Variants in SCNN1G observed in about 807,000 individuals in gnomAD.
SCNN1G encodes the protein sodium channel epithelial 1 subunit gamma, also known as epithelial sodium channel subunit gamma.
SCNN1G carries 27 observed loss-of-function variants against 64.6 expected under a neutral mutation model. The observed-to-expected ratio is 0.42, with a 90% CI of 0.31 to 0.58. SCNN1G has a LOEUF of 0.58. Among genes scored for constraint, SCNN1G ranks in the 20% least tolerant of loss-of-function variants. SCNN1G has a pLI of 0.18. For missense variants in SCNN1G, 743 were observed against 823.4 expected (o/e 0.90, Z 1.19); for synonymous variants, 330 against 314.2 (o/e 1.05, Z -0.53).
At chr16:23,197,497 G>T in intron 6 of SCNN1G, 70 bp downstream of exon 6, 1 of 1,390,048 alleles carries the variant, frequency 7.2e-7, no homozygotes. Flanking sequence ...ATAACCAATG[G>T]GGTGCAGCTT....
At position 23,189,283 on chromosome 16, in the gene SCNN1G, C is replaced by T. The variant is rs895494896; in HGVS notation, c.318-88C>T. ...GGGAAAGGTGGGCATGAGGCTGACA[C>T]GTGTTGATGGAAAACAGCCTGGAGG... On this transcript the variant is annotated intron_variant, in intron 2 of 12. Transcript: ENST00000300061. The T allele has an allele frequency of 2.6e-5, 35 of 1,338,418 alleles. No homozygotes were observed. In the African/African-American group the frequency reaches 3.6e-4, roughly 14 times the overall value. 82.9% of individuals were successfully genotyped at this position (1,338,418 alleles called of 1,614,324 possible).
In SCNN1G at chr16:23,197,434, G is replaced by T. The variant is rs1403656866; in HGVS notation, c.1077+7G>T. 5.0e-6 allele frequency: 8 copies of T among 1,612,286 alleles called. No homozygotes were observed. The highest frequency in any genetic ancestry group is 5.9e-6 in the Non-Finnish European group (7 of 1,178,450). Reference sequence around the variant, plus strand: ...CTCTATAGGAATGCACCTGGTAAGAGAATATTCTCATTTCCATAGGCTTGG... The same window carrying T: ...CTCTATAGGAATGCACCTGGTAAGATAATATTCTCATTTCCATAGGCTTGG... On this transcript the variant is annotated splice_region_variant and intron_variant, in intron 6 of 12. Transcript: ENST00000300061.
rs1410282676 is a variant in SCNN1G at position 23,209,840 on chromosome 16, T to G, written c.1168T>G (p.Ser390Ala). ...PIRNIYNAAY[S>A]LQICLHSCFQ... ...CAGGAACATCTACAACGCTGCCTAC[T>G]CGCTCCAGGTAACAGATTGGCAGGG... The change falls in exon 7 of 13, where the codon TCG becomes GCG. Residue 390 changes from serine to alanine, a missense_variant. Physicochemically the swap from Ser to Ala is moderately conservative, Grantham distance 99. Transcript: ENST00000300061. 1 of 1,612,722 alleles carries G rather than the reference T, an allele frequency of 6.2e-7. No individual in the cohort carries two copies. The highest frequency in any genetic ancestry group is 1.3e-5 in the African/African-American group (1 of 74,878).
chr16:23,195,769 ATT>A (rs747061787), intron 5 of SCNN1G, among the ~76,000 whole-genome samples: 27 of 104,478 alleles, frequency 2.6e-4, no homozygotes, highest in Admixed American at 1.5e-3. Flanking sequence ...TTGTTTACAC[ATT>A]GTTTGCAATT....
chr16:23,204,288 C>CATATATATAT (rs59288460), intron 6 of SCNN1G, among the ~76,000 whole-genome samples: 4 of 14,172 alleles, frequency 2.8e-4, no homozygotes, highest in African/African-American at 3.1e-4. Context: ...CAAATATATA[C>CATATATATAT]ATATATATAT....
At chr16:23,204,318 TATATATATATATATATAGAGAG>T (rs1308580089) in intron 6 of SCNN1G, among the ~76,000 whole-genome samples, 4 of 82,684 alleles carry the variant, frequency 4.8e-5, no homozygotes, top group African/African-American at 1.4e-4. Context: ...TATATATATA[TATATATATATATATATAGAGAG>T]AGAGAGAGAG....
intron 6 of SCNN1G, among the ~76,000 whole-genome samples, chr16:23,200,380 G>A (rs1959869854): frequency 6.6e-6 from 1 of 152,200 alleles, no homozygotes; most frequent in South Asian, 2.1e-4. Flanking sequence ...ACTCCTGAGA[G>A]CCTTGGCTTT....
chr16:23,188,333 G>T (rs564311596), intron 2 of SCNN1G, among the ~76,000 whole-genome samples: 1 of 151,776 alleles, frequency 6.6e-6, no homozygotes, highest in East Asian at 1.9e-4. Context: ...ACAGAGCAAG[G>T]CCCCCTCTCT....
intron 3 of SCNN1G, among the ~76,000 whole-genome samples, chr16:23,190,837 T>C (rs1398731881): frequency 7.2e-5 from 9 of 125,478 alleles, no homozygotes; most frequent in African/African-American, 2.8e-4. Flanking sequence ...GGGGATTTTT[T>C]TTTTTTTTTT....
chr16:23,206,278 C>T (rs1959988716), intron 6 of SCNN1G, among the ~76,000 whole-genome samples: 1 of 152,192 alleles, frequency 6.6e-6, no homozygotes, highest in African/African-American at 2.4e-5. Flanking sequence ...GACTGACCAC[C>T]TTACAGATGA....
intron 6 of SCNN1G, among the ~76,000 whole-genome samples, chr16:23,206,970 C>A (rs778578191): frequency 6.6e-6 from 1 of 152,066 alleles, no homozygotes; most frequent in African/African-American, 2.4e-5. Flanking sequence ...AAGCTGGGGC[C>A]GAGGGAAGAG....
intron 6 of SCNN1G, among the ~76,000 whole-genome samples, chr16:23,204,132 A>G (rs1214383995): frequency 1.3e-5 from 2 of 150,684 alleles, no homozygotes; most frequent in Non-Finnish European, 3.0e-5. Flanking sequence ...TATAAAAATT[A>G]GCCAGCCGTG....
chr16:23,195,441 A>G (rs767790766), intron 5 of SCNN1G, among the ~76,000 whole-genome samples: 34 of 152,226 alleles, frequency 2.2e-4, no homozygotes, highest in African/African-American at 8.0e-4. Flanking sequence ...GAAAGGTCCC[A>G]TGCAAATTGA....
intron 4 of SCNN1G, among the ~76,000 whole-genome samples, chr16:23,193,069 CAAAAAAAA>C (rs56318076): frequency 0.018 from 1,219 of 69,066 alleles, 10 homozygotes; most frequent in Middle Eastern, 0.085. Flanking sequence ...ACTCTTGTCT[CAAAAAAAA>C]AAAAAAAAAA....
intron 6 of SCNN1G, among the ~76,000 whole-genome samples, chr16:23,205,989 C>T (rs1394888097): frequency 1.3e-5 from 2 of 152,170 alleles, no homozygotes; most frequent in Non-Finnish European, 2.9e-5. Flanking sequence ...GGGAGAATCT[C>T]TCACTCAAAC....
At chr16:23,187,656 A>G (rs1242264766) in intron 2 of SCNN1G, among the ~76,000 whole-genome samples, 1 of 152,144 alleles carries the variant, frequency 6.6e-6, no homozygotes. Context: ...TTCTGTAAGC[A>G]CCTCAGCTGC....
intron 1 of SCNN1G, among the ~76,000 whole-genome samples, chr16:23,184,603 T>G (rs12149882): frequency 0.21 from 31,515 of 152,082 alleles, 3,627 homozygotes; most frequent in Admixed American, 0.31. Context: ...GAGCAGTTTG[T>G]CTGCTCTGGA....
intron 5 of SCNN1G, 34 bp from the exon 6 acceptor site, chr16:23,197,230 C>G: frequency 6.2e-7 from 1 of 1,601,034 alleles, no homozygotes. Flanking sequence ...GTTTTCCTAG[C>G]CTTGGATCAC....
At chr16:23,212,582 A>G (rs1960097323) in intron 8 of SCNN1G, 96 bp from the exon 9 acceptor site, 3 of 921,986 alleles carry the variant, frequency 3.3e-6, no homozygotes, top group African/African-American at 3.2e-5. Context: ...AGAAATCATT[A>G]AAATGAGACT....
Sources: allele counts gnomAD v4.1 joint callset (sites outside exome capture counted in the v4.1 genomes callset), GRCh38; gene constraint gnomAD v4.1.1; transcripts MANE v1.5; gene names NCBI Gene and HGNC (gene_info 2026-07-23, HGNC 2026-07-21).